Variants in MGAT4C observed in about 807,000 individuals in gnomAD.
The protein encoded by MGAT4C is MGAT4 family member C, also known as alpha-1,3-mannosyl-glycoprotein 4-beta-N-acetylglucosaminyltransferase C.
A neutral mutation model predicts 40.1 loss-of-function variants in MGAT4C; 19 were observed. The ratio of observed to expected loss-of-function variants is 0.47; its 90% confidence interval spans 0.33 to 0.70. MGAT4C has a LOEUF of 0.70. Among genes scored for constraint, MGAT4C ranks in the 30% least tolerant of loss-of-function variants. The pLI, the probability that MGAT4C is intolerant of heterozygous loss-of-function variation, is 0.02. For missense variants in MGAT4C, 491 were observed against 563.2 expected (o/e 0.87, Z 1.30); for synonymous variants, 181 against 187.1 (o/e 0.97, Z 0.27).
intron 2 of MGAT4C, among the ~76,000 whole-genome samples, chr12:86,684,653 G>A (rs1950039938): frequency 1.3e-5 from 2 of 152,170 alleles, no homozygotes; most frequent in African/African-American, 2.4e-5. Flanking sequence ...CACCAACAGT[G>A]TAAAAGCATT....
intron 2 of MGAT4C, among the ~76,000 whole-genome samples, chr12:86,634,041 G>C (rs545082799): frequency 6.6e-6 from 1 of 151,946 alleles, no homozygotes; most frequent in Admixed American, 6.6e-5. Context: ...TAATTAAATG[G>C]AGCTTATTGT....
chr12:85,994,780 C>A (rs981994817), intron 2 of MGAT4C, among the ~76,000 whole-genome samples: 3 of 152,038 alleles, frequency 2.0e-5, no homozygotes, highest in South Asian at 2.1e-4. Flanking sequence ...TGATATGAAG[C>A]AAGAAAGCTC....
In MGAT4C at chr12:86,832,622, A is replaced by G. The variant is rs192432857; in HGVS notation, c.-262+6044T>C. On this transcript the variant is annotated intron_variant, in intron 1 of 7. Transcript: ENST00000548651. ...TCACTTACAGTGCTATGTAATAGAT[A>G]TTTTTCTACATTTTTATAGCTTTTC... 8.0e-4 allele frequency among the ~76,000 whole-genome samples: 121 copies of G among 151,866 alleles called. 1 individual carries two copies. Among genetic ancestry groups the G allele is most frequent in the Admixed American group, 7.8e-3 (119 of 15,174 alleles).
At position 86,797,174 on chromosome 12, in the gene MGAT4C, T is replaced by C. The variant is rs190204862; in HGVS notation, c.-262+41492A>G. On this transcript the variant is annotated intron_variant, in intron 1 of 7. Coordinates refer to the MGAT4C transcript ENST00000548651. ...TCTTATAAATTCTGCTGTACTTTTATCTCCTCTGTTCTATAATTTTTATCC... is the reference window on the plus strand; with the variant it reads ...TCTTATAAATTCTGCTGTACTTTTACCTCCTCTGTTCTATAATTTTTATCC... Among the ~76,000 whole-genome samples, 19 of 151,988 alleles carry C rather than the reference T, an allele frequency of 1.3e-4. No individual in the cohort carries two copies. In the Admixed American group the frequency reaches 1.3e-3, roughly 10 times the overall value.
At chr12:86,038,206 T>C (rs972845693) in intron 2 of MGAT4C, among the ~76,000 whole-genome samples, 2 of 149,776 alleles carry the variant, frequency 1.3e-5, no homozygotes, top group Non-Finnish European at 1.5e-5. Flanking sequence ...ATTCTGCTAG[T>C]TGAGATAATG....
intron 2 of MGAT4C, among the ~76,000 whole-genome samples, chr12:86,673,605 T>C (rs191925159): frequency 1.3e-3 from 202 of 152,292 alleles, no homozygotes; most frequent in African/African-American, 4.6e-3. Context: ...TTGCTACTCA[T>C]GTTAGGTGAT....
chr12:86,060,257 A>T (rs1189431098), intron 1 of MGAT4C, among the ~76,000 whole-genome samples: 1 of 152,224 alleles, frequency 6.6e-6, no homozygotes. Flanking sequence ...TTTTTCAATT[A>T]TAGAATTTTC....
At chr12:86,461,371 G>A (rs1040874300) in intron 2 of MGAT4C, among the ~76,000 whole-genome samples, 2 of 150,516 alleles carry the variant, frequency 1.3e-5, no homozygotes, top group Non-Finnish European at 3.0e-5. Context: ...TCAGCCTCCC[G>A]AGTAGCTGGG....
chr12:86,235,394 T>C (rs578106230), intron 1 of MGAT4C, among the ~76,000 whole-genome samples: 92 of 152,148 alleles, frequency 6.0e-4, no homozygotes, highest in African/African-American at 2.1e-3. Flanking sequence ...ATGTCACTAT[T>C]CTAATAAAGC....
intron 4 of MGAT4C, among the ~76,000 whole-genome samples, chr12:86,316,331 A>G (rs1954229798): frequency 6.6e-6 from 1 of 152,226 alleles, no homozygotes; most frequent in South Asian, 2.1e-4. Context: ...ATCATAAAAC[A>G]GAACTACCAT....
At chr12:86,058,321 A>G (rs1893600105) in intron 1 of MGAT4C, among the ~76,000 whole-genome samples, 1 of 152,134 alleles carries the variant, frequency 6.6e-6, no homozygotes. Flanking sequence ...TAAATCTCAA[A>G]AAATCTATAA....
intron 2 of MGAT4C, among the ~76,000 whole-genome samples, chr12:86,493,074 A>G (rs983958326): frequency 8.0e-5 from 12 of 150,758 alleles, no homozygotes; most frequent in East Asian, 7.7e-4. Context: ...CATGAGAGAA[A>G]TGCAAATCAA....
At position 86,405,980 on chromosome 12, in the gene MGAT4C, T is replaced by C. The variant is rs866941355; in HGVS notation, c.-120+29177A>G. On this transcript the variant is annotated intron_variant, in intron 3 of 7. Transcript: ENST00000548651. The stretch of plus-strand genomic sequence containing the variant: ...TATTTATATTATACATATATATATA[T>C]ATACACAAAAAATATATATTATATA... 2.4e-3 allele frequency among the ~76,000 whole-genome samples: 317 copies of C among 130,076 alleles called. 4 individuals carry two copies. Among genetic ancestry groups the C allele is most frequent in the Middle Eastern group, 4.2e-3 (1 of 240 alleles). 85.3% of individuals were successfully genotyped at this position (130,076 alleles called of 152,430 possible).
chr12:86,254,709 A>G (rs1447138111), intron 1 of MGAT4C, among the ~76,000 whole-genome samples: 1 of 152,070 alleles, frequency 6.6e-6, no homozygotes, highest in Non-Finnish European at 1.5e-5. Flanking sequence ...CACAGAATAT[A>G]CCAACTTAAA....
intron 1 of MGAT4C, among the ~76,000 whole-genome samples, chr12:86,736,721 T>C (rs1405596436): frequency 1.3e-5 from 2 of 151,800 alleles, no homozygotes; most frequent in Non-Finnish European, 2.9e-5. Flanking sequence ...TTATCCACTG[T>C]CTGCTGTGAC....
intron 1 of MGAT4C, among the ~76,000 whole-genome samples, chr12:86,100,606 T>C (rs1227580566): frequency 6.6e-6 from 1 of 151,518 alleles, no homozygotes; most frequent in Non-Finnish European, 1.5e-5. Flanking sequence ...TTTGCTACTT[T>C]CATTATTCTC....
At position 86,096,766 on chromosome 12, in the gene MGAT4C, A is replaced by G. The variant is rs181495746; in HGVS notation, c.-56-47043T>C. On this transcript the variant is annotated intron_variant, in intron 1 of 4. Transcript: ENST00000611864. ...ATTCTCTTTTCTTTATAATAATGTC[A>G]TAACAATACGACTAAAATCCTTGTA... 3.3e-5 allele frequency among the ~76,000 whole-genome samples: 5 copies of G among 151,612 alleles called. No individual in the cohort carries two copies. The East Asian group carries it at 9.7e-4, about 29-fold the overall frequency.
chr12:86,462,822 T>C (rs2136296957), intron 2 of MGAT4C, among the ~76,000 whole-genome samples: 2 of 152,262 alleles, frequency 1.3e-5, no homozygotes, highest in South Asian at 4.1e-4. Context: ...CTTTCCATCT[T>C]CTGCCTGCTT....
At chr12:86,441,681 C>CT (rs1433243566) in intron 2 of MGAT4C, among the ~76,000 whole-genome samples, 4 of 152,048 alleles carry the variant, frequency 2.6e-5, no homozygotes, top group African/African-American at 9.6e-5. Context: ...ATGAACTCAT[C>CT]TTTTTTATGG....
Sources: allele counts gnomAD v4.1 joint callset (sites outside exome capture counted in the v4.1 genomes callset), GRCh38; gene constraint gnomAD v4.1.1; transcripts MANE v1.5; gene names NCBI Gene and HGNC (gene_info 2026-07-23, HGNC 2026-07-21).